The following VEZT variants were observed in gnomAD, a reference collection of about 807,000 sequenced individuals.
VEZT encodes the protein vezatin, adherens junctions transmembrane protein, also known as vezatin.
A neutral mutation model predicts 79.9 loss-of-function variants in VEZT; 39 were observed. The observed-to-expected ratio is 0.49, with a 90% CI of 0.38 to 0.64. The LOEUF (loss-of-function observed/expected upper bound fraction) is 0.64, where lower values mean the gene tolerates loss of function less well. Ranked by LOEUF, VEZT falls within the 30% of genes least tolerant of loss-of-function variation. The pLI is 0.00. For missense variants in VEZT, 837 were observed against 893.1 expected, an observed-to-expected ratio of 0.94 and a Z score of 0.80; for synonymous variants, 325 against 327.6, an observed-to-expected ratio of 0.99 and a Z score of 0.09.
intron 2 of VEZT, among the ~76,000 whole-genome samples, chr12:95,255,395 C>T (rs2063304025): frequency 6.6e-6 from 1 of 152,160 alleles, no homozygotes; most frequent in South Asian, 2.1e-4. Flanking sequence ...CATTACCTAA[C>T]TTAAAGGCCT....
chr12:95,259,518 C>G (rs1425466522), intron 3 of VEZT, among the ~76,000 whole-genome samples: 1 of 152,114 alleles, frequency 6.6e-6, no homozygotes, highest in African/African-American at 2.4e-5. Flanking sequence ...CCACTTTTGC[C>G]AAAGAGGAAA....
intron 1 of VEZT, among the ~76,000 whole-genome samples, chr12:95,223,153 C>T (rs1032430067): frequency 2.6e-5 from 4 of 151,990 alleles, no homozygotes; most frequent in African/African-American, 9.7e-5. Flanking sequence ...CTTCAGTTTT[C>T]TCCATATTAA....
chr12:95,223,405 G>C (rs539832849), intron 1 of VEZT, among the ~76,000 whole-genome samples: 1 of 151,850 alleles, frequency 6.6e-6, no homozygotes, highest in Non-Finnish European at 1.5e-5. Flanking sequence ...TTTTCTTTTT[G>C]TTTTGCATAG....
chr12:95,291,887 G>A (rs1025068335), intron 9 of VEZT, among the ~76,000 whole-genome samples: 25 of 152,060 alleles, frequency 1.6e-4, no homozygotes, highest in African/African-American at 5.8e-4. Flanking sequence ...CAAGCTGTGC[G>A]TCCCAGGTTC....
chr12:95,289,088 A>AT (rs1566297087), intron 9 of VEZT, among the ~76,000 whole-genome samples: 6,125 of 138,962 alleles, frequency 0.044, 159 homozygotes, highest in East Asian at 0.09. Context: ...TCTCAAAAAA[A>AT]AAAATAAATA....
At chr12:95,242,821 C>T (rs1052332753) in intron 1 of VEZT, among the ~76,000 whole-genome samples, 13 of 144,086 alleles carry the variant, frequency 9.0e-5, no homozygotes, top group African/African-American at 2.4e-4. Flanking sequence ...TGCAGTGAGC[C>T]GAGATGGTGC....
At chr12:95,237,541 T>G (rs1236432948) in intron 1 of VEZT, among the ~76,000 whole-genome samples, 1 of 152,136 alleles carries the variant, frequency 6.6e-6, no homozygotes, top group Non-Finnish European at 1.5e-5. Flanking sequence ...ACCTCAGAAA[T>G]GGGCAGTGGG....
intron 1 of VEZT, among the ~76,000 whole-genome samples, chr12:95,232,799 G>GT (rs2059446476): frequency 2.0e-5 from 3 of 151,918 alleles, no homozygotes; most frequent in African/African-American, 7.3e-5. Flanking sequence ...TTTTTTGTTC[G>GT]TTTGTTTTGT....
At chr12:95,241,497 G>A (rs1042526815) in intron 1 of VEZT, among the ~76,000 whole-genome samples, 10 of 151,972 alleles carry the variant, frequency 6.6e-5, no homozygotes, top group Non-Finnish European at 1.3e-4. Context: ...TAGAGACAAG[G>A]TCTTGCTTTA....
At chr12:95,271,196 A>G (rs537762058) in intron 6 of VEZT, among the ~76,000 whole-genome samples, 47 of 152,292 alleles carry the variant, frequency 3.1e-4, no homozygotes, top group African/African-American at 1.1e-3. Flanking sequence ...CTTTCTATAT[A>G]TATATGGAAA....
At chr12:95,223,784 G>A (rs1309384141) in intron 1 of VEZT, among the ~76,000 whole-genome samples, 2 of 152,066 alleles carry the variant, frequency 1.3e-5, no homozygotes, top group African/African-American at 4.8e-5. Context: ...AGTTGGTTTT[G>A]TTTGGTCAGT....
chr12:95,245,632 C>G, intron 1 of VEZT: 1 of 453,712 alleles, frequency 2.2e-6, no homozygotes, highest in Non-Finnish European at 4.4e-6. Context: ...TGAAAGCTTA[C>G]AACTTGTTCT....
intron 2 of VEZT, 66 bp downstream of exon 2, chr12:95,252,137 A>G: frequency 6.5e-7 from 1 of 1,526,730 alleles, no homozygotes; most frequent in Non-Finnish European, 8.8e-7. Context: ...CTATTCAGAT[A>G]CTTCTTAAGC....
intron 1 of VEZT, among the ~76,000 whole-genome samples, chr12:95,222,170 T>C (rs1406514149): frequency 6.6e-6 from 1 of 152,166 alleles, no homozygotes; most frequent in African/African-American, 2.4e-5. Flanking sequence ...GAACAGAAGC[T>C]CCTTATTATA....
At chr12:95,234,178 C>G (rs1469226332) in intron 1 of VEZT, among the ~76,000 whole-genome samples, 1 of 151,748 alleles carries the variant, frequency 6.6e-6, no homozygotes, top group Non-Finnish European at 1.5e-5. Context: ...TCTTTATATC[C>G]TTTACCCATT....
intron 11 of VEZT, among the ~76,000 whole-genome samples, chr12:95,297,177 A>G (rs568561731): frequency 6.6e-6 from 1 of 152,194 alleles, no homozygotes; most frequent in Admixed American, 6.5e-5. Flanking sequence ...GTCAAACTTC[A>G]TGGGAGACAG....
chr12:95,222,844 A>T (rs746276091), intron 1 of VEZT, among the ~76,000 whole-genome samples: 1 of 152,202 alleles, frequency 6.6e-6, no homozygotes, highest in Non-Finnish European at 1.5e-5. Flanking sequence ...GCAACTTCTC[A>T]TCTCGTTCTG....
At chr12:95,243,984 T>C in intron 1 of VEZT, 2 of 456,056 alleles carry the variant, frequency 4.4e-6, no homozygotes, top group Non-Finnish European at 8.8e-6. Context: ...CTCTTGAACT[T>C]CCCAGCCTGC....
intron 1 of VEZT, among the ~76,000 whole-genome samples, chr12:95,250,220 C>G (rs1433466073): frequency 3.1e-5 from 4 of 130,808 alleles, no homozygotes; most frequent in Non-Finnish European, 1.6e-5. Flanking sequence ...CCCCCCTCCC[C>G]CCACCTAATT....
Sources: gnomAD v4.1 joint callset for allele counts (sites outside exome capture counted in the v4.1 genomes callset) on GRCh38, gnomAD v4.1.1 for gene constraint, MANE v1.5 for transcripts, NCBI Gene and HGNC (gene_info 2026-07-23, HGNC 2026-07-21) for gene names.